TSBP1: variants seen among roughly 807,000 people sequenced by gnomAD.
TSBP1 encodes testis expressed basic protein 1.
TSBP1 carries 56 observed loss-of-function variants against 68.8 expected under a neutral mutation model. That is an observed-to-expected ratio of 0.81 (90% CI 0.66 to 1.02). The LOEUF (loss-of-function observed/expected upper bound fraction) is 1.02. Ranked by LOEUF, TSBP1 falls within the 50% of genes least tolerant of loss-of-function variation. The pLI is 0.00. For missense variants in TSBP1, 502 were observed against 641.2 expected (o/e 0.78, Z 2.34); for synonymous variants, 171 against 208.7 (o/e 0.82, Z 1.56).
rs1453109251 is a variant in TSBP1, at chr6:32,321,807, A to T, written c.559+1310T>A. 1.7e-4 allele frequency among the ~76,000 whole-genome samples: 26 copies of T among 152,358 alleles called. No individual in the cohort carries two copies. The highest frequency in any genetic ancestry group is 1.6e-3 in the Admixed American group (24 of 15,300). On this transcript the variant is annotated intron_variant, in intron 18 of 22. Transcript: ENST00000612031. This position sits in a 1 kb window ranked among gnomAD's most constrained non-coding sequence, Gnocchi z 4.3. The stretch of plus-strand genomic sequence containing the variant: ...GAGGGGAGTATGTAAGTATGTTTGC[A>T]ATCTGTTAGAGTAACCCAGATGTCT...
intron 19 of TSBP1, among the ~76,000 whole-genome samples, chr6:32,313,562 G>T (rs1188923033): frequency 2.0e-5 from 3 of 151,974 alleles, no homozygotes; most frequent in Admixed American, 6.6e-5. Flanking sequence ...CAATTTGTTG[G>T]GACTTGTGAG....
Position 32,335,346 on chromosome 6 carries a change from A to G in TSBP1, c.472+91T>C. 1 of 1,248,968 alleles carries G rather than the reference A, an allele frequency of 8.0e-7. No homozygotes were observed. The highest frequency in any genetic ancestry group is 3.0e-5 in the East Asian group (1 of 33,028). 77.4% of individuals were successfully genotyped at this position (1,248,968 alleles called of 1,614,324 possible). A position where few individuals can be genotyped will look rare whatever the true frequency, so the allele number is the denominator to read the frequency against. ...AGGTGGCAGAAGGACTTGATCCTTGAGTCCTTGGGCATGAATAATTGAAAT... is the reference window on the plus strand; with the variant it reads ...AGGTGGCAGAAGGACTTGATCCTTGGGTCCTTGGGCATGAATAATTGAAAT... On this transcript the variant is annotated intron_variant, in intron 14 of 22. Transcript: ENST00000612031. This position sits in a 1 kb window ranked among gnomAD's most constrained non-coding sequence, Gnocchi z 5.5.
Position 32,343,088 on chromosome 6 carries a change from G to A in TSBP1, c.350-3450C>T, listed in dbSNP as rs1180022502. On this transcript the variant is annotated intron_variant, in intron 9 of 22. Transcript: ENST00000612031. The surrounding 1 kb of genome is among the most constrained non-coding windows in gnomAD (Gnocchi z 4.3). ...AGGTGGGCATGATCCAGTTAAGATG[G>A]CTAATGAAGGACAAGGTGGAGAATT... 5 of 431,758 alleles carry A rather than the reference G, an allele frequency of 1.2e-5. No individual in the cohort carries two copies. The East Asian group carries it at 1.8e-4, about 15-fold the overall frequency. 26.7% of individuals were successfully genotyped at this position (431,758 alleles called of 1,614,324 possible).
intron 6 of TSBP1, among the ~76,000 whole-genome samples, chr6:32,360,786 C>T (rs1028941308): frequency 2.0e-5 from 3 of 151,978 alleles, no homozygotes; most frequent in Non-Finnish European, 4.4e-5. Flanking sequence ...TATTGTGCAC[C>T]TTTATTTATT....
chr6:32,348,481 A>G (rs1274434865), intron 9 of TSBP1, among the ~76,000 whole-genome samples: 1 of 128,500 alleles, frequency 7.8e-6, no homozygotes, highest in Non-Finnish European at 1.8e-5. Flanking sequence ...TTTTATATTA[A>G]TTTACATTTT....
At chr6:32,330,550 C>G (rs766010084) in intron 16 of TSBP1, 39 bp downstream of exon 17, 5 of 1,595,970 alleles carry the variant, frequency 3.1e-6, no homozygotes, top group Non-Finnish European at 4.3e-6. Context: ...TGTAGAAGAT[C>G]AAGGAACCTG....
intron 16 of TSBP1, chr6:32,324,730 C>G: frequency 6.5e-7 from 1 of 1,548,810 alleles, no homozygotes; most frequent in Non-Finnish European, 8.7e-7. Context: ...GTTTCTTTTC[C>G]TACTCATTTT....
At chr6:32,327,041 C>T (rs1398934249) in intron 16 of TSBP1, among the ~76,000 whole-genome samples, 1 of 152,204 alleles carries the variant, frequency 6.6e-6, no homozygotes, top group Admixed American at 6.5e-5. Flanking sequence ...CTTCCCTTCC[C>T]TTGTTGACAA....
chr6:32,368,023 C>CAT, intron 3 of TSBP1, 66 bp from the exon 4 acceptor site: 2 of 1,281,756 alleles, frequency 1.6e-6, no homozygotes, highest in South Asian at 1.2e-5. Context: ...ATTTAAGACT[C>CAT]TGAGAACTAA....
chr6:32,293,951 C>T, exon 23 of TSBP1: 1 of 1,612,562 alleles, frequency 6.2e-7, no homozygotes, highest in Non-Finnish European at 8.5e-7. Context: ...ATTCTGAGAC[C>T]TTGCAGTGCC....
In TSBP1 at chr6:32,325,868, A is replaced by G. The variant is rs1478584821; in HGVS notation, c.515-2254T>C. The stretch of plus-strand genomic sequence containing the variant: ...TTCGGTGGGAATGACAACTTTGATC[A>G]TGGAGGAAACTTCAGTGGTTGTGGT... On this transcript the variant is annotated intron_variant, in intron 16 of 22. Coordinates refer to ENST00000612031, the Ensembl canonical transcript of TSBP1. The surrounding 1 kb of genome is among the most constrained non-coding windows in gnomAD (Gnocchi z 4.4). 9.6e-6 allele frequency: 14 copies of G among 1,453,452 alleles called. No individual in the cohort carries two copies. In the East Asian group the frequency reaches 2.5e-4, roughly 26 times the overall value. 90.0% of individuals were successfully genotyped at this position (1,453,452 alleles called of 1,614,324 possible).
Position 32,335,776 on chromosome 6 carries a change from G to C in TSBP1, c.451+136C>G. ...CTAATCATGACTTACTGAAATGCTAGGTTGAAGAAAAATAAGGGTTGAAGA... is the reference window on the plus strand; with the variant it reads ...CTAATCATGACTTACTGAAATGCTACGTTGAAGAAAAATAAGGGTTGAAGA... On this transcript the variant is annotated intron_variant, in intron 13 of 22. Coordinates refer to ENST00000612031, the Ensembl canonical transcript of TSBP1. The surrounding 1 kb of genome is among the most constrained non-coding windows in gnomAD (Gnocchi z 5.5). The C allele has an allele frequency of 4.2e-6, 3 of 708,320 alleles. No homozygotes were observed. Among genetic ancestry groups the C allele is most frequent in the Non-Finnish European group, 4.8e-6 (2 of 414,252 alleles). 43.9% of individuals were successfully genotyped at this position (708,320 alleles called of 1,614,324 possible). A position where few individuals can be genotyped will look rare whatever the true frequency, so the allele number is the denominator to read the frequency against.
intron 16 of TSBP1, among the ~76,000 whole-genome samples, chr6:32,329,761 A>T (rs1768701967): frequency 6.6e-6 from 1 of 152,192 alleles, no homozygotes; most frequent in African/African-American, 2.4e-5. Flanking sequence ...AATATATGTG[A>T]CTTGCCCTCT....
intron 19 of TSBP1, among the ~76,000 whole-genome samples, chr6:32,309,197 G>T (rs1357015392): frequency 6.6e-6 from 1 of 151,980 alleles, no homozygotes; most frequent in Non-Finnish European, 1.5e-5. Flanking sequence ...CAATCCACCT[G>T]CCCTGGCCTC....
chr6:32,349,783 A>C lies in TSBP1; in HGVS notation c.306T>G (p.Leu102=), dbSNP rs777376441. 10 of 1,610,614 alleles carry C rather than the reference A, an allele frequency of 6.2e-6. No homozygotes were observed. The Admixed American group carries it at 1.7e-4, about 27-fold the overall frequency. Reference sequence around the variant, plus strand: ...GTGCTAAAATAAAACACATCAAAAGAAGAATGAGTTCTGTTTGTCCCAGGG... The same window carrying C: ...GTGCTAAAATAAAACACATCAAAAGCAGAATGAGTTCTGTTTGTCCCAGGG... Residue 102 remains leucine (L), a synonymous_variant, in exon 9 of 23, where the codon CTT becomes CTG. Coordinates refer to ENST00000612031, the Ensembl canonical transcript of TSBP1.
chr6:32,368,604 G>C (rs1774027706), intron 3 of TSBP1, among the ~76,000 whole-genome samples, 178 bp downstream of exon 3: 1 of 152,178 alleles, frequency 6.6e-6, no homozygotes, highest in Non-Finnish European at 1.5e-5. Flanking sequence ...TTGGCATTCA[G>C]TACTGCTCAG....
intron 8 of TSBP1, among the ~76,000 whole-genome samples, chr6:32,351,374 C>T (rs1012708436): frequency 6.6e-6 from 1 of 152,134 alleles, no homozygotes; most frequent in Non-Finnish European, 1.5e-5. Context: ...GTGCCTAAGA[C>T]ACTGCTGAGA....
chr6:32,360,867 GT>G (rs1197681050), intron 6 of TSBP1, among the ~76,000 whole-genome samples: 1 of 139,598 alleles, frequency 7.2e-6, no homozygotes, highest in Non-Finnish European at 1.6e-5. Context: ...ATTTTATTTT[GT>G]TTTTTTCTCT....
chr6:32,370,881 GAAA>G (rs1464882374), intron 1 of TSBP1, among the ~76,000 whole-genome samples: 1 of 149,074 alleles, frequency 6.7e-6, no homozygotes, highest in Admixed American at 6.6e-5. Flanking sequence ...AAGGAAAGAA[GAAA>G]AAAACAACCA....
Sources: gnomAD v4.1 joint callset for allele counts (sites outside exome capture counted in the v4.1 genomes callset) on GRCh38, gnomAD v4.1.1 for gene constraint, Gnocchi (gnomAD v3.1) non-coding constraint, MANE v1.5 for transcripts, NCBI Gene and HGNC (gene_info 2026-07-23, HGNC 2026-07-21) for gene names.